Variants in DLGAP1 observed in about 807,000 individuals in gnomAD.
The protein encoded by DLGAP1 is disks large-associated protein 1.
DLGAP1 carries 11 observed loss-of-function variants against 90.8 expected under a neutral mutation model. That is an observed-to-expected ratio of 0.12 (90% CI 0.08 to 0.20). The LOEUF (loss-of-function observed/expected upper bound fraction) is 0.20. DLGAP1 is among the 10% of genes least tolerant of loss of function. DLGAP1 has a pLI of 1.00. For synonymous variants in DLGAP1, 558 were observed against 540.7 expected (o/e 1.03, Z -0.44); for missense variants, 1,050 against 1,333.8 (o/e 0.79, Z 3.31).
intron 1 of DLGAP1, among the ~76,000 whole-genome samples, chr18:4,436,019 G>A (rs1351385892): frequency 6.6e-6 from 1 of 152,194 alleles, no homozygotes; most frequent in Non-Finnish European, 1.5e-5. Context: ...TATCAGCAAA[G>A]AAGCTCAAAA....
In DLGAP1 at chr18:4,382,729, G is replaced by A. The variant is rs577635953; in HGVS notation, c.-267+72277C>T. 3.9e-5 allele frequency among the ~76,000 whole-genome samples: 6 copies of A among 152,236 alleles called. No individual in the cohort carries two copies. In the South Asian group the frequency reaches 8.3e-4, roughly 21 times the overall value. On this transcript the variant is annotated intron_variant, in intron 1 of 12. Coordinates refer to ENST00000315677, the MANE Select transcript of DLGAP1 (RefSeq NM_004746.4). Reference sequence around the variant, plus strand: ...TTTTGGAAAAGGCTATATGAAAAATGAAACCTTTCCTGTATTCTTTGTTTT... The same window carrying A: ...TTTTGGAAAAGGCTATATGAAAAATAAAACCTTTCCTGTATTCTTTGTTTT...
chr18:4,142,749 T>G lies in DLGAP1; in HGVS notation c.-159+8431A>C, dbSNP rs111248272. On this transcript the variant is annotated intron_variant, in intron 2 of 12. Transcript: ENST00000315677. ...TGTCCTTTGGAATGCTCTCCAGGTA[T>G]TGGTATTCATAAATTTGAGTATTAT... is the stretch of plus-strand genomic sequence containing the variant. 7.1e-3 allele frequency among the ~76,000 whole-genome samples: 1,075 copies of G among 152,270 alleles called. 9 individuals carry two copies. Among genetic ancestry groups the G allele is most frequent in the African/African-American group, 0.024 (1,005 of 41,546 alleles).
At chr18:4,141,951 G>A (rs1435403675) in intron 2 of DLGAP1, among the ~76,000 whole-genome samples, 1 of 151,968 alleles carries the variant, frequency 6.6e-6, no homozygotes, top group Non-Finnish European at 1.5e-5. Flanking sequence ...ACATATCTCT[G>A]TATCTCTAGG....
chr18:4,240,841 T>G (rs2078519120), intron 1 of DLGAP1, among the ~76,000 whole-genome samples: 1 of 152,230 alleles, frequency 6.6e-6, no homozygotes, highest in Non-Finnish European at 1.5e-5. Context: ...GATGGGCTTC[T>G]CAAAAGTTCC....
intron 1 of DLGAP1, among the ~76,000 whole-genome samples, chr18:4,259,862 C>A (rs2078970114): frequency 6.6e-6 from 1 of 152,054 alleles, no homozygotes. Context: ...ATCTAATGTC[C>A]ATCAGAATAA....
chr18:3,774,780 C>T (rs1448315861), intron 5 of DLGAP1: 1 of 152,222 alleles, frequency 6.6e-6, no homozygotes, highest in Non-Finnish European at 1.5e-5. Context: ...ACTGAATAAG[C>T]CTCTCAAGTC....
chr18:4,248,764 G>A (rs766306098), intron 1 of DLGAP1: 5 of 152,308 alleles, frequency 3.3e-5, no homozygotes, highest in African/African-American at 4.8e-5. Context: ...GTCGAATCAC[G>A]TTACTCCTTT....
At chr18:4,233,365 T>A (rs1052476128) in intron 1 of DLGAP1, among the ~76,000 whole-genome samples, 6 of 152,230 alleles carry the variant, frequency 3.9e-5, no homozygotes, top group African/African-American at 1.4e-4. Context: ...TTTTAAAGCT[T>A]ACTGGTCAGA....
chr18:4,437,745 T>TAC (rs2083436781), intron 1 of DLGAP1, among the ~76,000 whole-genome samples: 1 of 152,228 alleles, frequency 6.6e-6, no homozygotes, highest in Non-Finnish European at 1.5e-5. Flanking sequence ...TTTAAAAGAT[T>TAC]ATATGCAAAC....
At chr18:3,595,739 C>T (rs1353526116) in intron 7 of DLGAP1, among the ~76,000 whole-genome samples, 5 of 152,228 alleles carry the variant, frequency 3.3e-5, no homozygotes, top group Non-Finnish European at 1.5e-5. Flanking sequence ...TTTCACGGCT[C>T]ATTTTCCCAG....
intron 1 of DLGAP1, among the ~76,000 whole-genome samples, chr18:4,354,583 T>C (rs2081466671): frequency 6.6e-6 from 1 of 152,154 alleles, no homozygotes; most frequent in African/African-American, 2.4e-5. Context: ...TTTGATTAAA[T>C]GAATTTGCAA....
chr18:3,994,184 C>T (rs530424928), intron 3 of DLGAP1, among the ~76,000 whole-genome samples: 1 of 152,230 alleles, frequency 6.6e-6, no homozygotes, highest in South Asian at 2.1e-4. Context: ...GGCTGGGGTG[C>T]CGAGGGTGGG....
chr18:3,510,351 TTTGTTA>T (rs750182172), intron 10 of DLGAP1, among the ~76,000 whole-genome samples: 1 of 152,270 alleles, frequency 6.6e-6, no homozygotes, highest in Non-Finnish European at 1.5e-5. Flanking sequence ...TTAATAATTA[TTTGTTA>T]TTATCTAGGA....
At chr18:4,295,307 A>G (rs1201491244) in intron 1 of DLGAP1, 1 of 152,164 alleles carries the variant, frequency 6.6e-6, no homozygotes, top group Non-Finnish European at 1.5e-5. Flanking sequence ...TCACCACACC[A>G]CATTGGGGTA....
intron 1 of DLGAP1, among the ~76,000 whole-genome samples, chr18:4,449,506 T>G (rs2083763425): frequency 6.6e-6 from 1 of 152,208 alleles, no homozygotes; most frequent in African/African-American, 2.4e-5. Flanking sequence ...TCCTCAGAGT[T>G]ATGGCCCTTA....
At chr18:4,151,718 T>C (rs2076677899) in intron 1 of DLGAP1, among the ~76,000 whole-genome samples, 1 of 152,212 alleles carries the variant, frequency 6.6e-6, no homozygotes, top group Non-Finnish European at 1.5e-5. Flanking sequence ...GTATCATTTT[T>C]TTCCAGAGTG....
At chr18:3,723,677 A>G (rs2062057074) in intron 7 of DLGAP1, among the ~76,000 whole-genome samples, 1 of 152,108 alleles carries the variant, frequency 6.6e-6, no homozygotes, top group Non-Finnish European at 1.5e-5. Context: ...CCAAACCCTT[A>G]GGAGAACTTT....
At chr18:4,363,248 T>C (rs2081669677) in intron 1 of DLGAP1, among the ~76,000 whole-genome samples, 1 of 152,104 alleles carries the variant, frequency 6.6e-6, no homozygotes, top group Admixed American at 6.5e-5. Flanking sequence ...GCCCGGGCTA[T>C]CCACACATCC....
In DLGAP1 at chr18:4,378,114, G is replaced by A. The variant is rs1483677055; in HGVS notation, c.-267+76892C>T. 6.8e-6 allele frequency among the ~76,000 whole-genome samples: 1 copy of A among 147,244 alleles called. No homozygotes were observed. The highest frequency in any genetic ancestry group is 6.8e-5 in the Admixed American group (1 of 14,626). ...TTTTTCTAATATATAACATATATTAGAAATATTGTATATAAAATTTATATT... is the reference window on the plus strand; with the variant it reads ...TTTTTCTAATATATAACATATATTAAAAATATTGTATATAAAATTTATATT... On this transcript the variant is annotated intron_variant, in intron 1 of 12. Coordinates refer to ENST00000315677, the MANE Select transcript of DLGAP1 (RefSeq NM_004746.4). The surrounding 1 kb of genome is among the most constrained non-coding windows in gnomAD (Gnocchi z 4.5).
Sources: allele counts gnomAD v4.1 joint callset (sites outside exome capture counted in the v4.1 genomes callset), GRCh38; gene constraint gnomAD v4.1.1; non-coding constraint Gnocchi (gnomAD v3.1); transcripts MANE v1.5; gene names NCBI Gene and HGNC (gene_info 2026-07-23, HGNC 2026-07-21).